Variants in MGAT4C observed in about 807,000 individuals in gnomAD.
The protein encoded by MGAT4C is alpha-1,3-mannosyl-glycoprotein 4-beta-N-acetylglucosaminyltransferase C.
In MGAT4C, 19 loss-of-function variants were observed where a neutral mutation model predicts 40.1. That is an observed-to-expected ratio of 0.47 (90% CI 0.33 to 0.70). MGAT4C has a LOEUF of 0.70. MGAT4C is among the 30% of genes least tolerant of loss of function. The pLI is 0.02. For synonymous variants in MGAT4C, 181 were observed against 187.1 expected, an observed-to-expected ratio of 0.97 and a Z score of 0.27; for missense variants, 491 against 563.2, an observed-to-expected ratio of 0.87 and a Z score of 1.30.
At chr12:86,706,633 A>G (rs566937475) in intron 2 of MGAT4C, among the ~76,000 whole-genome samples, 2 of 152,158 alleles carry the variant, frequency 1.3e-5, no homozygotes, top group Non-Finnish European at 2.9e-5. Flanking sequence ...AGCAAGACAG[A>G]GTCCTCAATA....
At chr12:86,478,482 T>C (rs920153464) in intron 2 of MGAT4C, among the ~76,000 whole-genome samples, 1 of 152,122 alleles carries the variant, frequency 6.6e-6, no homozygotes, top group Non-Finnish European at 1.5e-5. Flanking sequence ...AGTAAATCCT[T>C]AGATCTATGT....
At chr12:86,186,932 T>C (rs921356960) in intron 1 of MGAT4C, among the ~76,000 whole-genome samples, 2 of 152,138 alleles carry the variant, frequency 1.3e-5, no homozygotes, top group Non-Finnish European at 2.9e-5. Context: ...CTTAAATCTA[T>C]AGTGTTAGCA....
chr12:86,095,637 T>C (rs1408644139), intron 1 of MGAT4C, among the ~76,000 whole-genome samples: 1 of 105,880 alleles, frequency 9.4e-6, no homozygotes, highest in Non-Finnish European at 2.1e-5. Context: ...GACTATTTTC[T>C]TTTTTTTTTT....
intron 2 of MGAT4C, among the ~76,000 whole-genome samples, chr12:85,998,932 G>T (rs1886963627): frequency 6.6e-6 from 1 of 152,208 alleles, no homozygotes; most frequent in African/African-American, 2.4e-5. Flanking sequence ...CCAATTTACT[G>T]TATTAGTCCA....
chr12:86,024,673 C>A (rs993269271), intron 2 of MGAT4C, among the ~76,000 whole-genome samples: 6 of 151,722 alleles, frequency 4.0e-5, no homozygotes, highest in African/African-American at 7.2e-5. Flanking sequence ...AGAAAGATGT[C>A]ATTGGCGATA....
At chr12:86,651,649 A>G (rs1385117578) in intron 2 of MGAT4C, among the ~76,000 whole-genome samples, 4 of 151,898 alleles carry the variant, frequency 2.6e-5, no homozygotes, top group Non-Finnish European at 5.9e-5. Flanking sequence ...TTTTGAAAAT[A>G]GCCCATAAAT....
intron 2 of MGAT4C, among the ~76,000 whole-genome samples, chr12:86,449,241 T>C (rs1957386498): frequency 6.6e-6 from 1 of 152,098 alleles, no homozygotes; most frequent in Admixed American, 6.6e-5. Flanking sequence ...ATACTGGAGT[T>C]TTTTAAGAAA....
intron 2 of MGAT4C, among the ~76,000 whole-genome samples, chr12:86,627,170 G>A (rs367958085): frequency 1.3e-5 from 2 of 152,082 alleles, no homozygotes; most frequent in African/African-American, 4.8e-5. Context: ...GGCTGGGGAG[G>A]GGCATCCACC....
At chr12:86,301,493 A>C (rs1953811661) in intron 4 of MGAT4C, among the ~76,000 whole-genome samples, 1 of 152,316 alleles carries the variant, frequency 6.6e-6, no homozygotes, top group Admixed American at 6.5e-5. Context: ...AATGAATGAT[A>C]TGCTCCTTGG....
intron 2 of MGAT4C, among the ~76,000 whole-genome samples, chr12:86,706,856 G>A (rs1287095622): frequency 6.6e-6 from 1 of 152,094 alleles, no homozygotes; most frequent in African/African-American, 2.4e-5. Flanking sequence ...GTTGTGGGAG[G>A]GACCTGGTAG....
rs1375564890 is a variant in MGAT4C at position 86,049,778 on chromosome 12, A to G, written c.-56-55T>C. ...TACAACCCACTGGTTTCTTGCTGAT[A>G]AAAGTAAAATAAAAAGTATTCTCTG... On this transcript the variant is annotated intron_variant, in intron 1 of 4. Transcript: ENST00000611864. The G allele has an allele frequency of 4.5e-6, 3 of 665,902 alleles. No individual in the cohort carries two copies. The East Asian group carries it at 4.1e-4, about 91-fold the overall frequency. 41.2% of individuals were successfully genotyped at this position (665,902 alleles called of 1,614,324 possible). A position where few individuals can be genotyped will look rare whatever the true frequency, so the allele number is the denominator to read the frequency against.
chr12:86,330,392 T>C (rs892804054), intron 4 of MGAT4C, among the ~76,000 whole-genome samples: 3 of 152,210 alleles, frequency 2.0e-5, no homozygotes, highest in African/African-American at 7.2e-5. Context: ...CTGTGTCATG[T>C]AAAACTTTGA....
At chr12:86,088,938 T>C (rs1021488521) in intron 1 of MGAT4C, among the ~76,000 whole-genome samples, 3 of 152,060 alleles carry the variant, frequency 2.0e-5, no homozygotes, top group Admixed American at 6.6e-5. Flanking sequence ...GTAAGTATTA[T>C]TGTCTTCTTC....
chr12:86,151,009 CAG>C (rs1380279895), intron 1 of MGAT4C, among the ~76,000 whole-genome samples: 1 of 152,188 alleles, frequency 6.6e-6, no homozygotes, highest in African/African-American at 2.4e-5. Flanking sequence ...CTCAGCTACT[CAG>C]ACTCTCCCCT....
chr12:86,126,597 A>G (rs968589470), intron 1 of MGAT4C, among the ~76,000 whole-genome samples: 1 of 152,214 alleles, frequency 6.6e-6, no homozygotes, highest in Non-Finnish European at 1.5e-5. Flanking sequence ...AACTTCAAAT[A>G]CTGATAAATG....
intron 1 of MGAT4C, among the ~76,000 whole-genome samples, chr12:86,073,306 A>G (rs932102197): frequency 2.0e-5 from 3 of 152,008 alleles, no homozygotes; most frequent in Non-Finnish European, 2.9e-5. Context: ...ATTTTTCTTT[A>G]TAAATTACCC....
intron 1 of MGAT4C, among the ~76,000 whole-genome samples, chr12:86,132,336 T>C (rs1881305865): frequency 6.6e-6 from 1 of 151,970 alleles, no homozygotes; most frequent in African/African-American, 2.4e-5. Context: ...AAATTGATTC[T>C]AAAATTCAAC....
rs1017090320 is a variant in MGAT4C at position 86,727,558 on chromosome 12, T to C, written c.-261-317A>G. ...CGAAGAGGCAAAGGAAAGCCAGAAG[T>C]TAAAAAAAAAGATATTAATAGTAAA... On this transcript the variant is annotated intron_variant, in intron 1 of 7. Transcript: ENST00000548651. 2.1e-4 allele frequency among the ~76,000 whole-genome samples: 32 copies of C among 151,492 alleles called. 1 individual carries two copies. The highest frequency in any genetic ancestry group is 2.1e-4 in the South Asian group (1 of 4,808).
chr12:86,729,010 A>G (rs1950867264), intron 1 of MGAT4C, among the ~76,000 whole-genome samples: 1 of 152,232 alleles, frequency 6.6e-6, no homozygotes, highest in South Asian at 2.1e-4. Flanking sequence ...GCACTTAACT[A>G]TAACTCTTGA....
Sources: gnomAD v4.1 joint callset for allele counts (sites outside exome capture counted in the v4.1 genomes callset) on GRCh38, gnomAD v4.1.1 for gene constraint, MANE v1.5 for transcripts, NCBI Gene and HGNC (gene_info 2026-07-23, HGNC 2026-07-21) for gene names.